Variants in PAK5 observed in about 807,000 individuals in gnomAD.
PAK5 encodes p21 (RAC1) activated kinase 5.
PAK5 carries 16 observed loss-of-function variants against 65.9 expected under a neutral mutation model. The ratio of observed to expected loss-of-function variants is 0.24; its 90% confidence interval spans 0.16 to 0.37. The LOEUF (loss-of-function observed/expected upper bound fraction) is 0.37. Among genes scored for constraint, PAK5 ranks in the 10% least tolerant of loss-of-function variants. PAK5 has a pLI of 1.00. For synonymous variants in PAK5, 371 were observed against 354.9 expected, an observed-to-expected ratio of 1.05 and a Z score of -0.51; for missense variants, 785 against 903.9, an observed-to-expected ratio of 0.87 and a Z score of 1.69.
At chr20:9,787,859 G>C (rs559405262) in intron 1 of PAK5, among the ~76,000 whole-genome samples, 2 of 152,024 alleles carry the variant, frequency 1.3e-5, no homozygotes, top group Non-Finnish European at 2.9e-5. Flanking sequence ...TAATGAGGAA[G>C]TGGTGACTTT....
intron 1 of PAK5, among the ~76,000 whole-genome samples, chr20:9,757,838 A>C (rs1349532167): frequency 6.6e-6 from 1 of 152,194 alleles, no homozygotes; most frequent in Non-Finnish European, 1.5e-5. Context: ...TGATAGTAGT[A>C]GAATCAGTTC....
intron 3 of PAK5, among the ~76,000 whole-genome samples, chr20:9,641,650 G>A (rs1002926152): frequency 3.3e-5 from 5 of 152,096 alleles, no homozygotes; most frequent in East Asian, 1.9e-4. Context: ...GGTGGTGCTC[G>A]TCAGGGAGGC....
intron 2 of PAK5, among the ~76,000 whole-genome samples, chr20:9,699,970 A>T (rs887722075): frequency 1.3e-5 from 2 of 152,194 alleles, no homozygotes; most frequent in Non-Finnish European, 2.9e-5. Context: ...TCAGCATATC[A>T]AACTAGTTTT....
At chr20:9,793,402 G>A (rs890577424) in intron 1 of PAK5, among the ~76,000 whole-genome samples, 25 of 152,086 alleles carry the variant, frequency 1.6e-4, no homozygotes, top group Non-Finnish European at 7.4e-5. Flanking sequence ...GTTACCTATA[G>A]GTTGGTCAGT....
chr20:9,645,585 C>T (rs1569018184), intron 2 of PAK5, among the ~76,000 whole-genome samples: 1 of 151,596 alleles, frequency 6.6e-6, no homozygotes, highest in African/African-American at 2.4e-5. Context: ...TATTCCTACA[C>T]TTCTTTTTTT....
chr20:9,667,650 A>T (rs2047438022), intron 2 of PAK5, among the ~76,000 whole-genome samples: 1 of 152,194 alleles, frequency 6.6e-6, no homozygotes, highest in Admixed American at 6.5e-5. Context: ...CCAAATGTTG[A>T]TCAAACTCCT....
rs1031120788 is a variant in PAK5, at chr20:9,691,617, C to T, written c.-12+19669G>A. Among the ~76,000 whole-genome samples, 19 of 152,014 alleles carry T rather than the reference C, an allele frequency of 1.2e-4. No homozygotes were observed. The East Asian group carries it at 1.3e-3, about 11-fold the overall frequency. On this transcript the variant is annotated intron_variant, in intron 2 of 9. Transcript: ENST00000353224. ...TGAAGACATCATGGATTTCTAGTCA[C>T]GTTTATTTATAATAATCACCTAATT...
chr20:9,725,056 AAAAATTTTT>A (rs1292974004), intron 1 of PAK5, among the ~76,000 whole-genome samples: 1 of 152,134 alleles, frequency 6.6e-6, no homozygotes, highest in African/African-American at 2.4e-5. Flanking sequence ...TAAAAATTTA[AAAAATTTTT>A]AAAATAAAAT....
chr20:9,741,292 A>G (rs1297022671), intron 1 of PAK5, among the ~76,000 whole-genome samples: 1 of 152,156 alleles, frequency 6.6e-6, no homozygotes, highest in Non-Finnish European at 1.5e-5. Flanking sequence ...AGGGAACAAG[A>G]CAATCCAATA....
intron 6 of PAK5, among the ~76,000 whole-genome samples, chr20:9,561,452 A>G (rs547013276): frequency 6.6e-6 from 1 of 152,252 alleles, no homozygotes; most frequent in South Asian, 2.1e-4. Context: ...TCTACCAATT[A>G]AGATGATCTT....
At chr20:9,720,433 T>C (rs1462523917) in intron 1 of PAK5, among the ~76,000 whole-genome samples, 1 of 152,196 alleles carries the variant, frequency 6.6e-6, no homozygotes, top group Admixed American at 6.5e-5. Context: ...TTAGATCTTC[T>C]TATACTGCAA....
chr20:9,818,254 T>C (rs117108101), intron 1 of PAK5, among the ~76,000 whole-genome samples: 71 of 152,292 alleles, frequency 4.7e-4, no homozygotes, highest in Non-Finnish European at 9.3e-4. Context: ...TAAGCAAGAA[T>C]CCCATTAGGT....
At chr20:9,615,364 A>C (rs1257739223) in intron 3 of PAK5, among the ~76,000 whole-genome samples, 1 of 152,234 alleles carries the variant, frequency 6.6e-6, no homozygotes, top group African/African-American at 2.4e-5. Context: ...TGACTGCAAC[A>C]AACATGCCAC....
At position 9,562,910 on chromosome 20, in the gene PAK5, C is replaced by A. The variant is rs1290329257; in HGVS notation, c.1597G>T (p.Asp533Tyr). 3.7e-6 allele frequency: 6 copies of A among 1,613,646 alleles called. No individual in the cohort carries two copies. Among genetic ancestry groups the A allele is most frequent in the Non-Finnish European group, 5.1e-6 (6 of 1,179,796 alleles). The part of the protein sequence containing the change: ...MEFLEGGALT[D>Y]IVTHTRMNEE... The stretch of plus-strand genomic sequence containing the variant: ...GCCTACCTGGTGTGAGTCACAATGT[C>A]TGTCAAGGCACCACCTTCTAGAAAC... The change falls in exon 6 of 10, where the codon GAC becomes TAC. Residue 533 changes from aspartate to tyrosine, a missense_variant. This residue lies in a region of PAK5 where 182 missense variants were observed against 273.0 expected (regional missense o/e 0.67). Transcript: ENST00000353224.
At chr20:9,698,641 C>T (rs775095544) in intron 2 of PAK5, among the ~76,000 whole-genome samples, 25 of 152,118 alleles carry the variant, frequency 1.6e-4, no homozygotes, top group Non-Finnish European at 2.9e-4. Flanking sequence ...GGCTTTGTTT[C>T]ATACCAAACT....
chr20:9,706,198 C>T (rs186283057), intron 2 of PAK5, among the ~76,000 whole-genome samples: 185 of 152,268 alleles, frequency 1.2e-3, no homozygotes, highest in Middle Eastern at 3.4e-3. Flanking sequence ...TCTAGAGCCT[C>T]GGAATTTGCT....
chr20:9,763,565 T>A (rs2048724100), intron 1 of PAK5, among the ~76,000 whole-genome samples: 2 of 152,078 alleles, frequency 1.3e-5, no homozygotes, highest in African/African-American at 4.8e-5. Flanking sequence ...GAAGCCCAAC[T>A]CTCATCTGAT....
At chr20:9,799,939 C>CAAAAAAAAAA (rs71331383) in intron 1 of PAK5, among the ~76,000 whole-genome samples, 30 of 43,660 alleles carry the variant, frequency 6.9e-4, no homozygotes, top group South Asian at 2.6e-3. Flanking sequence ...ACTCTGTCTC[C>CAAAAAAAAAA]AAAAAAAAAA....
At chr20:9,633,475 G>C (rs539595825) in intron 3 of PAK5, among the ~76,000 whole-genome samples, 1 of 152,052 alleles carries the variant, frequency 6.6e-6, no homozygotes, top group African/African-American at 2.4e-5. Flanking sequence ...GTACAACTGG[G>C]TTAAAACTAT....
Sources: gnomAD v4.1 joint callset for allele counts (sites outside exome capture counted in the v4.1 genomes callset) on GRCh38, gnomAD v4.1.1 for gene constraint, gnomAD v4.1.1 regional missense constraint, MANE v1.5 for transcripts, NCBI Gene and HGNC (gene_info 2026-07-23, HGNC 2026-07-21) for gene names.